ATP13A3: variants seen among roughly 807,000 people sequenced by gnomAD.
ATP13A3 encodes the protein ATPase 13A3, also known as polyamine-transporting ATPase 13A3.
Under a neutral mutation model 158.1 loss-of-function variants are expected in ATP13A3, and 59 were observed. That is an observed-to-expected ratio of 0.37 (90% confidence interval 0.30 to 0.46). The LOEUF is 0.46. Ranked by LOEUF, ATP13A3 falls within the 20% of genes least tolerant of loss-of-function variation. The pLI, the probability that ATP13A3 is intolerant of heterozygous loss-of-function variation, is 1.00. For synonymous variants in ATP13A3, 491 were observed against 504.3 expected (o/e 0.97, Z 0.35); for missense variants, 1,166 against 1,525.2 (o/e 0.76, Z 3.92).
chr3:194,431,572 G>A (rs2108817888), intron 22 of ATP13A3, 145 bp downstream of exon 22: 1 of 851,092 alleles, frequency 1.2e-6, no homozygotes, highest in South Asian at 2.6e-5. Flanking sequence ...CAGTCCTAAT[G>A]AAACATAATC....
At position 194,405,661 on chromosome 3, in the gene ATP13A3, G is replaced by A. The variant is rs1714880418; in HGVS notation, c.*258C>T. 1 of 385,448 alleles carries A rather than the reference G, an allele frequency of 2.6e-6. No individual in the cohort carries two copies. The highest frequency in any genetic ancestry group is 4.9e-5 in the East Asian group (1 of 20,544). The allele number at this position is 385,448 out of a possible 1,614,324, so 23.9% of individuals were successfully genotyped here. A position where few individuals can be genotyped will look rare whatever the true frequency, so the allele number is the denominator to read the frequency against. On this transcript the variant is annotated 3_prime_UTR_variant, in exon 34 of 34. Transcript: ENST00000645319. ...GAATATCACTGAAAGTAACAATCAA[G>A]AAAATTCTGGAAATGTATGTAATAT...
intron 33 of ATP13A3, among the ~76,000 whole-genome samples, chr3:194,409,722 G>C (rs1436355550): frequency 1.8e-5 from 1 of 56,982 alleles, no homozygotes; most frequent in African/African-American, 1.9e-4. Flanking sequence ...TTTTTTTTTG[G>C]TCAGAGAGTA....
chr3:194,410,956 G>A (rs1348982292), intron 33 of ATP13A3, among the ~76,000 whole-genome samples: 1 of 151,560 alleles, frequency 6.6e-6, no homozygotes, highest in Non-Finnish European at 1.5e-5. Flanking sequence ...GTGTGTGTGT[G>A]TGTGTGTGTG....
Position 194,460,724 on chromosome 3 carries a change from C to A in ATP13A3, c.159G>T (p.Trp53Cys). The change falls in exon 4 of 34, where the codon TGG (tryptophan) becomes TGT (cysteine). Residue 53 changes from tryptophan to cysteine, a missense_variant. Trp to Cys is a radical substitution (Grantham distance 215, BLOSUM62 -2). This residue lies in a region of ATP13A3 where 65 missense variants were observed against 92.4 expected (regional missense o/e 0.70). Coordinates refer to ENST00000645319, the MANE Select transcript of ATP13A3 (RefSeq NM_001367549.1). ...CTCTGACACAGGTCGCTTTCACCCG[C>A]CACTCAGGCATCCAATAGAGGAGGA... ...LLLLLYWMPEWRVKATCVRAA... is the reference protein window; with the variant it reads ...LLLLLYWMPECRVKATCVRAA... The A allele has an allele frequency of 1.2e-6, 2 of 1,614,134 alleles. No individual in the cohort carries two copies. Among genetic ancestry groups the A allele is most frequent in the Non-Finnish European group, 1.7e-6 (2 of 1,180,008 alleles).
intron 31 of ATP13A3, 93 bp from the exon 32 acceptor site, chr3:194,413,932 G>T: frequency 1.8e-6 from 2 of 1,085,372 alleles, no homozygotes; most frequent in Non-Finnish European, 2.8e-6. Flanking sequence ...GAATTCCTAT[G>T]ATGTACCAAA....
chr3:194,472,557 T>C (rs1050344472), intron 2 of ATP13A3, among the ~76,000 whole-genome samples: 1 of 152,216 alleles, frequency 6.6e-6, no homozygotes, highest in African/African-American at 2.4e-5. Flanking sequence ...GCTGCAGTTA[T>C]CTGAAGTGAT....
At chr3:194,490,082 C>T (rs1289147421), upstream of ATP13A3, among the ~76,000 whole-genome samples, 1 of 152,172 alleles carries the variant, frequency 6.6e-6, no homozygotes, top group African/African-American at 2.4e-5. The surrounding 1 kb of genome is among the most constrained non-coding windows in gnomAD (Gnocchi z 4.4). Flanking sequence ...CTCAGAAAGG[C>T]TATTTTGCAT....
At position 194,430,238 on chromosome 3, in the gene ATP13A3, G is replaced by C. The variant is rs545548544; in HGVS notation, c.2667+35C>G. 1.9e-6 allele frequency: 3 copies of C among 1,613,316 alleles called. No individual in the cohort carries two copies. In the African/African-American group the frequency reaches 4.0e-5, roughly 22 times the overall value. ...GTGAATATGATTTAGGCTAGAGTAAGAACTATAAAACTAAATCACAAAAAC... is the reference window on the plus strand; with the variant it reads ...GTGAATATGATTTAGGCTAGAGTAACAACTATAAAACTAAATCACAAAAAC... On this transcript the variant is annotated intron_variant, in intron 25 of 33. Transcript: ENST00000645319.
At position 194,420,801 on chromosome 3, in the gene ATP13A3, T is replaced by C. The variant is rs376222214; in HGVS notation, c.3314-834A>G. The stretch of plus-strand genomic sequence containing the variant: ...AGTGGCTCCAAAATTTTCTAATATA[T>C]TGATAGCCCAAACTTTTTTCCCCTT... On this transcript the variant is annotated intron_variant, in intron 30 of 33. Coordinates refer to ENST00000645319, the MANE Select transcript of ATP13A3 (RefSeq NM_001367549.1). 1.3e-4 allele frequency among the ~76,000 whole-genome samples: 20 copies of C among 152,090 alleles called. No individual in the cohort carries two copies. In the East Asian group the frequency reaches 1.9e-3, roughly 15 times the overall value.
At chr3:194,457,257 T>C in intron 6 of ATP13A3, 83 bp from the exon 7 acceptor site, 1 of 993,290 alleles carries the variant, frequency 1.0e-6, no homozygotes, top group Non-Finnish European at 1.6e-6. Context: ...TATGCCTGAT[T>C]TTATAAAGGT....
intron 31 of ATP13A3, 90 bp downstream of exon 31, chr3:194,419,789 T>C: frequency 1.3e-6 from 2 of 1,502,946 alleles, no homozygotes; most frequent in Non-Finnish European, 1.8e-6. Context: ...AACAGCATCT[T>C]AGAATACACA....
At chr3:194,474,265 G>T (rs1465822434) in intron 2 of ATP13A3, among the ~76,000 whole-genome samples, 1 of 151,900 alleles carries the variant, frequency 6.6e-6, no homozygotes, top group African/African-American at 2.4e-5. Context: ...TCAGCTCAAG[G>T]GATGCTCCCT....
At position 194,460,831 on chromosome 3, in the gene ATP13A3, C is replaced by T. The variant is rs530745173; in HGVS notation, c.52G>A (p.Glu18Lys). ...TINQGQEDEM[E>K]IYGYNLSRWK... The stretch of plus-strand genomic sequence containing the variant: ...CGACTCAAATTGTAACCATAAATCT[C>T]CTGCATGGACACAGCGATCACATGA... Residue 18 changes from glutamate to lysine, a missense_variant and splice_region_variant, in exon 4 of 34, where the codon GAG (glutamate) becomes AAG (lysine). By Grantham distance (56) the Glu-to-Lys change is moderately conservative. Coordinates refer to ENST00000645319, the MANE Select transcript of ATP13A3 (RefSeq NM_001367549.1). 8.1e-6 allele frequency: 13 copies of T among 1,612,080 alleles called. No individual in the cohort carries two copies. In the South Asian group the frequency reaches 1.4e-4, roughly 18 times the overall value.
chr3:194,431,782 T>C lies in ATP13A3; in HGVS notation c.2356A>G (p.Lys786Glu). The C allele has an allele frequency of 6.2e-7, 1 of 1,613,310 alleles. No homozygotes were observed. The highest frequency in any genetic ancestry group is 8.5e-7 in the Non-Finnish European group (1 of 1,179,706). The change falls in exon 22 of 34, where the codon AAA (lysine) becomes GAA (glutamate). Residue 786 changes from lysine (K) to glutamate (E), a missense_variant. Around this residue, in one of 3 missense-constraint regions of ATP13A3, gnomAD observed 997 missense variants for 1,341.2 expected, o/e 0.74. Coordinates refer to ENST00000645319, the MANE Select transcript of ATP13A3 (RefSeq NM_001367549.1). Reference sequence around the variant, plus strand: ...GAGTCTGCATAATGCCAATTTATTTTGGCAACTTTCCCATCCTTTGGAGGT... The same window carrying C: ...GAGTCTGCATAATGCCAATTTATTTCGGCAACTTTCCCATCCTTTGGAGGT... ...ALPPKDGKVAKINWHYADSLT... is the reference protein window; with the variant it reads ...ALPPKDGKVAEINWHYADSLT...
In ATP13A3 at chr3:194,422,806, TACTA is replaced by T. The variant is rs370139995; in HGVS notation, c.3313+2532_3313+2535del. ...TGTTCCTTCCCCAAACAATAACTAGTACTAACTAACCTACAGCCACAAATCCTAA... is the reference window on the plus strand; with the variant it reads ...TGTTCCTTCCCCAAACAATAACTAGTACTAACCTACAGCCACAAATCCTAA... On this transcript the variant is annotated intron_variant, in intron 30 of 33. Coordinates refer to ENST00000645319, the MANE Select transcript of ATP13A3 (RefSeq NM_001367549.1). 2.2e-3 allele frequency among the ~76,000 whole-genome samples: 337 copies of T among 151,650 alleles called. 2 individuals carry two copies. Among genetic ancestry groups the T allele is most frequent in the African/African-American group, 7.6e-3 (314 of 41,306 alleles).
At chr3:194,417,813 T>G (rs1715976169) in intron 31 of ATP13A3, among the ~76,000 whole-genome samples, 1 of 151,998 alleles carries the variant, frequency 6.6e-6, no homozygotes, top group Admixed American at 6.6e-5. Flanking sequence ...ATTTTAAAAT[T>G]TGCTGGGTGT....
intron 33 of ATP13A3, 126 bp downstream of exon 33, chr3:194,412,073 G>A (rs1327133441): frequency 1.3e-5 from 9 of 703,162 alleles, no homozygotes; most frequent in East Asian, 2.8e-5. Context: ...GAAGGAACAC[G>A]TAATAGAACA....
chr3:194,434,376 C>T (rs963833291), intron 20 of ATP13A3, among the ~76,000 whole-genome samples: 29 of 152,084 alleles, frequency 1.9e-4, no homozygotes, highest in Admixed American at 1.7e-3. Flanking sequence ...TACTTGGGAC[C>T]CAGAGATGGG....
At chr3:194,462,059 T>C in intron 3 of ATP13A3, 81 bp downstream of exon 3, 1 of 1,394,578 alleles carries the variant, frequency 7.2e-7, no homozygotes, top group Non-Finnish European at 1.0e-6. Context: ...TGTTGTTAAT[T>C]GCATTTTTCT....
Sources: gnomAD v4.1 joint callset for allele counts (sites outside exome capture counted in the v4.1 genomes callset) on GRCh38, gnomAD v4.1.1 for gene constraint, gnomAD v4.1.1 regional missense constraint, Gnocchi (gnomAD v3.1) non-coding constraint, MANE v1.5 for transcripts, NCBI Gene and HGNC (gene_info 2026-07-23, HGNC 2026-07-21) for gene names.